Variants in DNAAF9 observed in about 807,000 individuals in gnomAD.
DNAAF9 encodes the protein dynein axonemal assembly factor 9.
Under a neutral mutation model 167.0 loss-of-function variants are expected in DNAAF9, and 90 were observed. That is an observed-to-expected ratio of 0.54 (90% CI 0.45 to 0.64). The LOEUF is 0.64. DNAAF9 is among the 30% of genes least tolerant of loss of function. The pLI is 0.00. For missense variants in DNAAF9, 1,315 were observed against 1,442.2 expected (o/e 0.91, Z 1.43); for synonymous variants, 491 against 508.8 (o/e 0.96, Z 0.47).
Position 3,259,531 on chromosome 20 carries a change from T to C in DNAAF9, c.3004A>G (p.Ser1002Gly). ...TGGTAGATGTTTCCGGAGAAGGGAC[T>C]TGGCTTGATGGAGGACTGAATTGCT... is the stretch of plus-strand genomic sequence containing the variant. ...CKAIQSSIKP[S>G]PFSGNIYHIL... Residue 1002 changes from serine to glycine, a missense_variant, in exon 33 of 37, where the codon AGT becomes GGT. By Grantham distance (56) the Ser-to-Gly change is moderately conservative. This residue lies in a region of DNAAF9 where 334 missense variants were observed against 429.7 expected (regional missense o/e 0.78). Transcript: ENST00000252032. 6.2e-7 allele frequency: 1 copy of C among 1,612,724 alleles called. No homozygotes were observed. The highest frequency in any genetic ancestry group is 8.5e-7 in the Non-Finnish European group (1 of 1,178,736).
At position 3,284,173 on chromosome 20, in the gene DNAAF9, CTTTTT is replaced by C. The variant is rs200633758; in HGVS notation, c.2487-2412_2487-2408del. Among the ~76,000 whole-genome samples, 537 of 118,190 alleles carry C rather than the reference CTTTTT, an allele frequency of 4.5e-3. 1 individual carries two copies. Among genetic ancestry groups the C allele is most frequent in the Middle Eastern group, 6.5e-3 (1 of 154 alleles). 77.5% of individuals were successfully genotyped at this position (118,190 alleles called of 152,430 possible). ...AGCACCACGCTCAAGTTACTAGAGT[CTTTTT>C]TTTTTTTTTTTTTTTTTTTTGAGAC... On this transcript the variant is annotated intron_variant, in intron 27 of 36. Transcript: ENST00000252032.
chr20:3,267,388 C>T lies in DNAAF9; in HGVS notation c.2787-2864G>A, dbSNP rs573817441. ...CACCTTGTACTTTCCTTGACCTAGG[C>T]ATGCAGTCAGCTAATTCTCCAAGGA... On this transcript the variant is annotated intron_variant, in intron 30 of 36. Coordinates refer to ENST00000252032, the MANE Select transcript of DNAAF9 (RefSeq NM_001009984.3). 3.9e-5 allele frequency among the ~76,000 whole-genome samples: 6 copies of T among 152,234 alleles called. No homozygotes were observed. In the South Asian group the frequency reaches 1.2e-3, roughly 32 times the overall value.
rs1568560407 is a variant in DNAAF9 at position 3,257,979 on chromosome 20, TTGGCCTCC to T, written c.3055+1493_3055+1500del. ...GCTGGCCTCAAATGATCTGCCTGCC[TTGGCCTCC>T]CAAAGTGCTGGGATTACAGGTGTGA... On this transcript the variant is annotated intron_variant, in intron 33 of 36. Transcript: ENST00000252032. Among the ~76,000 whole-genome samples, 550 of 138,674 alleles carry T rather than the reference TTGGCCTCC, an allele frequency of 4.0e-3. 8 individuals carry two copies. Among genetic ancestry groups the T allele is most frequent in the African/African-American group, 0.016 (523 of 33,110 alleles). 91.0% of individuals were successfully genotyped at this position (138,674 alleles called of 152,430 possible).
chr20:3,271,186 G>GT (rs1447832748), intron 29 of DNAAF9, among the ~76,000 whole-genome samples: 3 of 152,046 alleles, frequency 2.0e-5, no homozygotes. Context: ...CACACATCCT[G>GT]TATTTAGCAT....
chr20:3,377,789 G>A (rs547186919), intron 3 of DNAAF9, among the ~76,000 whole-genome samples: 26 of 152,198 alleles, frequency 1.7e-4, no homozygotes, highest in African/African-American at 6.0e-4. Context: ...ATGTTGGTCA[G>A]TTATGCCTGA....
chr20:3,340,438 CCACCCA>C, intron 10 of DNAAF9, 60 bp downstream of exon 10: 1 of 190,888 alleles, frequency 5.2e-6, no homozygotes, highest in Non-Finnish European at 1.1e-5. Flanking sequence ...CTAGCTCCCC[CCACCCA>C]CCCCACCCCC....
Position 3,252,704 on chromosome 20 carries a change from G to A in DNAAF9, c.3422-20C>T, listed in dbSNP as rs752103126. ...CCATGACTGGTATCTCATTAAGGAA[G>A]AGAGCTCTGAGCCTGGAGGACAAGG... On this transcript the variant is annotated intron_variant, in intron 36 of 36. Transcript: ENST00000252032. 7.1e-7 allele frequency: 1 copy of A among 1,412,712 alleles called. No homozygotes were observed. Among genetic ancestry groups the A allele is most frequent in the East Asian group, 2.3e-5 (1 of 43,956 alleles). 87.5% of individuals were successfully genotyped at this position (1,412,712 alleles called of 1,614,324 possible). A position where few individuals can be genotyped will look rare whatever the true frequency, so the allele number is the denominator to read the frequency against.
At chr20:3,357,565 G>A (rs1401336790) in intron 7 of DNAAF9, among the ~76,000 whole-genome samples, 1 of 152,016 alleles carries the variant, frequency 6.6e-6, no homozygotes, top group Admixed American at 6.6e-5. Flanking sequence ...CTTAATCTCT[G>A]ACCATGTTCA....
chr20:3,395,488 C>A (rs369164309), intron 1 of DNAAF9, among the ~76,000 whole-genome samples: 64 of 152,078 alleles, frequency 4.2e-4, no homozygotes, highest in African/African-American at 1.4e-3. Context: ...ACCATGTTGG[C>A]CAGCCTGCTT....
At chr20:3,288,531 C>G (rs1359962025) in intron 26 of DNAAF9, among the ~76,000 whole-genome samples, 1 of 152,182 alleles carries the variant, frequency 6.6e-6, no homozygotes. Context: ...ACTGGTTAGA[C>G]ATTTAGTACT....
At chr20:3,369,886 T>C (rs2083485568) in intron 6 of DNAAF9, among the ~76,000 whole-genome samples, 1 of 152,178 alleles carries the variant, frequency 6.6e-6, no homozygotes, top group Non-Finnish European at 1.5e-5. Flanking sequence ...AAATCTTACA[T>C]TTTTCTGGGC....
At chr20:3,394,095 T>C (rs2083866423) in intron 1 of DNAAF9, among the ~76,000 whole-genome samples, 1 of 152,296 alleles carries the variant, frequency 6.6e-6, no homozygotes, top group Admixed American at 6.5e-5. Flanking sequence ...CCCAGAACTT[T>C]GGAAGGCTGA....
intron 6 of DNAAF9, among the ~76,000 whole-genome samples, chr20:3,364,029 T>C (rs1309567336): frequency 6.6e-6 from 1 of 152,188 alleles, no homozygotes. Flanking sequence ...CTTGAACTCT[T>C]GGGTGCAAGT....
chr20:3,288,051 A>C (rs1462314623), intron 26 of DNAAF9, among the ~76,000 whole-genome samples: 1 of 152,224 alleles, frequency 6.6e-6, no homozygotes, highest in Non-Finnish European at 1.5e-5. Flanking sequence ...TAAGCACTTG[A>C]CCAACAGACA....
intron 14 of DNAAF9, among the ~76,000 whole-genome samples, chr20:3,322,940 T>C (rs1285158511): frequency 6.6e-6 from 1 of 151,984 alleles, no homozygotes; most frequent in Non-Finnish European, 1.5e-5. Flanking sequence ...GTCTTGACTC[T>C]TGGACCACAA....
chr20:3,272,164 T>TG (rs1205150584), intron 29 of DNAAF9, among the ~76,000 whole-genome samples: 1 of 152,188 alleles, frequency 6.6e-6, no homozygotes, highest in Non-Finnish European at 1.5e-5. Context: ...ATATTAACAA[T>TG]GAACTCCTTA....
intron 1 of DNAAF9, 110 bp from the exon 2 acceptor site, chr20:3,382,616 G>T: frequency 1.2e-6 from 1 of 806,128 alleles, no homozygotes; most frequent in Non-Finnish European, 2.1e-6. Flanking sequence ...ACTTTGCTGG[G>T]GATGGAAATT....
chr20:3,368,806 C>A (rs2083468249), intron 6 of DNAAF9, among the ~76,000 whole-genome samples: 1 of 151,988 alleles, frequency 6.6e-6, no homozygotes, highest in African/African-American at 2.4e-5. Context: ...GCATGAGCCA[C>A]TGCGCCCGGC....
At position 3,331,822 on chromosome 20, in the gene DNAAF9, C is replaced by T. The variant is rs147689533; in HGVS notation, c.1063+458G>A. ...CTGAGTAGCTAGGACTACAGGTGTG[C>T]ACCAGCACGCCTGGCTAATTTTTGT... On this transcript the variant is annotated intron_variant, in intron 11 of 36. Coordinates refer to ENST00000252032, the MANE Select transcript of DNAAF9 (RefSeq NM_001009984.3). 9.4e-3 allele frequency among the ~76,000 whole-genome samples: 1,436 copies of T among 152,238 alleles called. 31 individuals are homozygous for T. Among genetic ancestry groups the T allele is most frequent in the African/African-American group, 0.033 (1,378 of 41,538 alleles).
Sources: gnomAD v4.1 joint callset for allele counts (sites outside exome capture counted in the v4.1 genomes callset) on GRCh38, gnomAD v4.1.1 for gene constraint, gnomAD v4.1.1 regional missense constraint, MANE v1.5 for transcripts, NCBI Gene and HGNC (gene_info 2026-07-23, HGNC 2026-07-21) for gene names.